ARHGAP39: variants seen among roughly 807,000 people sequenced by gnomAD.
ARHGAP39 encodes the protein Rho GTPase activating protein 39.
Under a neutral mutation model 106.9 loss-of-function variants are expected in ARHGAP39, and 44 were observed. That is an observed-to-expected ratio of 0.41 (90% confidence interval 0.32 to 0.53). The LOEUF (loss-of-function observed/expected upper bound fraction) is 0.53. Among genes scored for constraint, ARHGAP39 ranks in the 20% least tolerant of loss-of-function variants. The pLI is 0.21. For missense variants in ARHGAP39, 1,496 were observed against 1,577.3 expected (o/e 0.95, Z 0.87); for synonymous variants, 768 against 693.2 (o/e 1.11, Z -1.69).
At chr8:144,650,272 C>CA (rs1563723883) in intron 1 of ARHGAP39, among the ~76,000 whole-genome samples, 1 of 151,856 alleles carries the variant, frequency 6.6e-6, no homozygotes, top group Admixed American at 6.6e-5. Flanking sequence ...GCTTACCATC[C>CA]AAAAAAAGCC....
At chr8:144,588,598 G>A (rs539629296) in intron 2 of ARHGAP39, among the ~76,000 whole-genome samples, 1 of 152,326 alleles carries the variant, frequency 6.6e-6, no homozygotes, top group South Asian at 2.1e-4. Context: ...GGAGAAACTC[G>A]GCCCAGGGCC....
At chr8:144,598,805 T>C (rs1005272219) in intron 2 of ARHGAP39, among the ~76,000 whole-genome samples, 4 of 152,158 alleles carry the variant, frequency 2.6e-5, no homozygotes, top group Admixed American at 6.5e-5. Flanking sequence ...TCAAAACCTT[T>C]CACATGCAAA....
At position 144,538,657 on chromosome 8, in the gene ARHGAP39, C is replaced by G. The variant is rs867769049; in HGVS notation, c.2522-844G>C. ...CTGCAACCTCCACCCACCGCAGCCTCCACCTCCCGGGTTCAAGAGATTCCC... is the reference window on the plus strand; with the variant it reads ...CTGCAACCTCCACCCACCGCAGCCTGCACCTCCCGGGTTCAAGAGATTCCC... On this transcript the variant is annotated intron_variant, in intron 6 of 11. Coordinates refer to ENST00000377307, the MANE Select transcript of ARHGAP39 (RefSeq NM_025251.3). Among the ~76,000 whole-genome samples, 25 of 152,234 alleles carry G rather than the reference C, an allele frequency of 1.6e-4. 1 individual carries two copies. The highest frequency in any genetic ancestry group is 3.4e-3 in the Middle Eastern group (1 of 294).
Position 144,559,444 on chromosome 8 carries a change from C to A in ARHGAP39, c.513-3801G>T, listed in dbSNP as rs868147150. Among the ~76,000 whole-genome samples the A allele has an allele frequency of 2.0e-5, 3 of 147,862 alleles. No individual in the cohort carries two copies. The South Asian group carries it at 6.4e-4, about 32-fold the overall frequency. On this transcript the variant is annotated intron_variant, in intron 3 of 11. Transcript: ENST00000377307. ...ATGGATTCTGGAATGCAACAGAAAG[C>A]GCAAGTATTGACCCAAATATATAAA...
chr8:144,692,142 C>T, the ARHGAP39 span, among the ~76,000 whole-genome samples: 4 of 152,246 alleles, frequency 2.6e-5, no homozygotes, highest in African/African-American at 4.8e-5. Flanking sequence ...CCTTTGGCTT[C>T]CCTGCTGTCT....
chr8:144,565,927 A>G (rs961280522), intron 3 of ARHGAP39, among the ~76,000 whole-genome samples: 2 of 140,388 alleles, frequency 1.4e-5, no homozygotes, highest in Non-Finnish European at 3.0e-5. Context: ...CCCCAACTCT[A>G]CAAAAAAAAA....
At chr8:144,649,827 C>G (rs1012414703) in intron 1 of ARHGAP39, among the ~76,000 whole-genome samples, 20 of 152,246 alleles carry the variant, frequency 1.3e-4, no homozygotes, top group African/African-American at 4.8e-4. Context: ...CTACTATGAA[C>G]ACCTCTATGC....
At position 144,604,166 on chromosome 8, in the gene ARHGAP39, C is replaced by T. The variant is rs955327091; in HGVS notation, c.80+1369G>A. ...AGGCACAAAGCATCAGACACGGAGCCGGGCCCAGAGCGCCCAGAGGTGGCC... is the reference window on the plus strand; with the variant it reads ...AGGCACAAAGCATCAGACACGGAGCTGGGCCCAGAGCGCCCAGAGGTGGCC... On this transcript the variant is annotated intron_variant, in intron 2 of 11. Coordinates refer to ENST00000377307, the MANE Select transcript of ARHGAP39 (RefSeq NM_025251.3). The surrounding 1 kb of genome is among the most constrained non-coding windows in gnomAD (Gnocchi z 4.1). 8.5e-5 allele frequency among the ~76,000 whole-genome samples: 13 copies of T among 152,180 alleles called. No homozygotes were observed. Among genetic ancestry groups the T allele is most frequent in the Admixed American group, 4.6e-4 (7 of 15,282 alleles).
In ARHGAP39 at chr8:144,647,949, A is replaced by C. The variant is rs1238966207; in HGVS notation, c.-82+37737T>G. Reference sequence around the variant, plus strand: ...GACTGGAGGGCTGAAAACATGTATAAATTCCTGGTACAATTTCTACAAAAT... The same window carrying C: ...GACTGGAGGGCTGAAAACATGTATACATTCCTGGTACAATTTCTACAAAAT... On this transcript the variant is annotated intron_variant, in intron 1 of 11. Coordinates refer to ENST00000377307, the MANE Select transcript of ARHGAP39 (RefSeq NM_025251.3). This position sits in a 1 kb window ranked among gnomAD's most constrained non-coding sequence, Gnocchi z 4.8. Among the ~76,000 whole-genome samples the C allele has an allele frequency of 6.6e-6, 1 of 152,208 alleles. No homozygotes were observed. Among genetic ancestry groups the C allele is most frequent in the Non-Finnish European group, 1.5e-5 (1 of 68,032 alleles).
rs561408243 is a variant in ARHGAP39, at chr8:144,571,950, G to C, written c.512+8896C>G. Among the ~76,000 whole-genome samples the C allele has an allele frequency of 1.5e-4, 23 of 152,234 alleles. No homozygotes were observed. The East Asian group carries it at 4.1e-3, about 27-fold the overall frequency. On this transcript the variant is annotated intron_variant, in intron 3 of 11. Transcript: ENST00000377307. The stretch of plus-strand genomic sequence containing the variant: ...GGGATGTGAAGGACCCCTTCAAGGA[G>C]AACTACAAACCACTGCACAACGAAA...
Position 144,670,929 on chromosome 8 carries a change from G to A in ARHGAP39, c.-82+14757C>T, listed in dbSNP as rs745887580. Reference sequence around the variant, plus strand: ...ATGGAATGGATGACCAGAAAGGCACGACCACCTAATCCAGCTCTGATGACG... The same window carrying A: ...ATGGAATGGATGACCAGAAAGGCACAACCACCTAATCCAGCTCTGATGACG... On this transcript the variant is annotated intron_variant, in intron 1 of 11. Coordinates refer to ENST00000377307, the MANE Select transcript of ARHGAP39 (RefSeq NM_025251.3). This position sits in a 1 kb window ranked among gnomAD's most constrained non-coding sequence, Gnocchi z 4.4. 2.0e-5 allele frequency among the ~76,000 whole-genome samples: 3 copies of A among 152,050 alleles called. No individual in the cohort carries two copies. The highest frequency in any genetic ancestry group is 7.2e-5 in the African/African-American group (3 of 41,400).
At chr8:144,566,661 G>C (rs965920512) in intron 3 of ARHGAP39, among the ~76,000 whole-genome samples, 1 of 152,076 alleles carries the variant, frequency 6.6e-6, no homozygotes, top group African/African-American at 2.4e-5. Flanking sequence ...TTCGAGGCCA[G>C]CCTGGCCAAC....
At position 144,530,279 on chromosome 8, in the gene ARHGAP39, A is replaced by G. The variant is rs2130809599; in HGVS notation, c.*143T>C. On this transcript the variant is annotated 3_prime_UTR_variant, in exon 12 of 12. Transcript: ENST00000377307. ...CTCAGACCAGGCAGAAGACGTGGGGAGCGCCGGGGCCAGGGGCCTGGGGGA... is the reference window on the plus strand; with the variant it reads ...CTCAGACCAGGCAGAAGACGTGGGGGGCGCCGGGGCCAGGGGCCTGGGGGA... 1 of 896,750 alleles carries G rather than the reference A, an allele frequency of 1.1e-6. No homozygotes were observed. The highest frequency in any genetic ancestry group is 2.7e-5 in the East Asian group (1 of 37,236). The allele number at this position is 896,750 out of a possible 1,614,324, so 55.5% of individuals were successfully genotyped here.
At chr8:144,673,960 G>GCAT (rs1822167531) in intron 1 of ARHGAP39, among the ~76,000 whole-genome samples, 1 of 152,238 alleles carries the variant, frequency 6.6e-6, no homozygotes, top group Non-Finnish European at 1.5e-5. Flanking sequence ...GTGGGCACCT[G>GCAT]CATCTGGATG....
At chr8:144,664,992 G>C (rs557490856) in intron 1 of ARHGAP39, among the ~76,000 whole-genome samples, 1 of 152,306 alleles carries the variant, frequency 6.6e-6, no homozygotes, top group East Asian at 1.9e-4. Context: ...GAAAATGTGG[G>C]AAAGTCTGGA....
At chr8:144,617,841 G>C (rs1478072528) in intron 1 of ARHGAP39, among the ~76,000 whole-genome samples, 2 of 152,282 alleles carry the variant, frequency 1.3e-5, no homozygotes, top group South Asian at 4.1e-4. Flanking sequence ...AACTGCAGTG[G>C]TACAATCAGG....
intron 1 of ARHGAP39, among the ~76,000 whole-genome samples, chr8:144,609,692 G>A (rs1016525332): frequency 2.0e-5 from 3 of 151,998 alleles, no homozygotes; most frequent in Admixed American, 6.5e-5. Context: ...GTGAGCCACC[G>A]CGCCTGGCCA....
Position 144,530,691 on chromosome 8 carries a change from G to A in ARHGAP39, c.3150+11C>T. The A allele has an allele frequency of 3.2e-6, 5 of 1,584,226 alleles. No individual in the cohort carries two copies. Among genetic ancestry groups the A allele is most frequent in the Non-Finnish European group, 4.3e-6 (5 of 1,163,728 alleles). On this transcript the variant is annotated intron_variant, in intron 11 of 11. Coordinates refer to ENST00000377307, the MANE Select transcript of ARHGAP39 (RefSeq NM_025251.3). ...GGGGAAAGCAGCGGGGACCCCCGGG[G>A]AGGGAAGTACCTGCAGGAAGCGGAT...
intron 3 of ARHGAP39, among the ~76,000 whole-genome samples, chr8:144,562,366 A>G (rs1317259387): frequency 5.0e-5 from 7 of 139,438 alleles, no homozygotes; most frequent in African/African-American, 1.9e-4. Flanking sequence ...TTTCCATCGG[A>G]CCCCAGTGGT....
Sources: gnomAD v4.1 joint callset for allele counts (sites outside exome capture counted in the v4.1 genomes callset) on GRCh38, gnomAD v4.1.1 for gene constraint, Gnocchi (gnomAD v3.1) non-coding constraint, MANE v1.5 for transcripts, NCBI Gene and HGNC (gene_info 2026-07-23, HGNC 2026-07-21) for gene names.